The following PTPA variants were observed in gnomAD, a reference collection of about 807,000 sequenced individuals.
The protein encoded by PTPA is serine/threonine-protein phosphatase 2A activator.
PTPA carries 13 observed loss-of-function variants against 43.6 expected under a neutral mutation model. The observed-to-expected ratio is 0.30, with a 90% CI of 0.19 to 0.47. The LOEUF is 0.47. PTPA is among the 20% of genes least tolerant of loss of function. The pLI is 0.99. For synonymous variants in PTPA, 172 were observed against 158.2 expected (o/e 1.09, Z -0.66); for missense variants, 329 against 411.9 (o/e 0.80, Z 1.74).
chr9:129,138,003 C>G (rs546392946), intron 8 of PTPA: 1 of 350,338 alleles, frequency 2.9e-6, no homozygotes, highest in Non-Finnish European at 5.5e-6. Context: ...TCGGGGCGGG[C>G]GGAGGTTTGT....
rs1467626155 is a variant in PTPA, at chr9:129,129,022, A to G, written c.254A>G (p.Asp85Gly). The G allele has an allele frequency of 6.2e-7, 1 of 1,613,078 alleles. No individual in the cohort carries two copies. Among genetic ancestry groups the G allele is most frequent in the Non-Finnish European group, 8.5e-7 (1 of 1,179,996 alleles). ...CTAGTCGCTCTTCTCAACACGCTGGACAGGTGGATTGATGAGACTCCTCCA... is the reference window on the plus strand; with the variant it reads ...CTAGTCGCTCTTCTCAACACGCTGGGCAGGTGGATTGATGAGACTCCTCCA... ...EKLVALLNTL[D>G]RWIDETPPVD... Residue 85 changes from aspartate (D) to glycine (G), a missense_variant, in exon 4 of 10, where the codon GAC becomes GGC. Transcript: ENST00000393370.
At chr9:129,133,816 C>T (rs7045556) in intron 5 of PTPA, among the ~76,000 whole-genome samples, 1,625 of 152,312 alleles carry the variant, frequency 0.011, 26 homozygotes, top group African/African-American at 0.036. Flanking sequence ...TCACTGCCTT[C>T]GACATACTGG....
At chr9:129,114,312 C>T (rs973519725) in intron 1 of PTPA, among the ~76,000 whole-genome samples, 4 of 152,178 alleles carry the variant, frequency 2.6e-5, no homozygotes, top group East Asian at 1.9e-4. Context: ...CGTGAGCCAC[C>T]GCGCCCGGCG....
chr9:129,113,592 A>G (rs1588478631), intron 1 of PTPA, among the ~76,000 whole-genome samples: 1 of 151,812 alleles, frequency 6.6e-6, no homozygotes, highest in African/African-American at 2.4e-5. Flanking sequence ...CAACATGGCA[A>G]AACCCCGTCT....
intron 1 of PTPA, among the ~76,000 whole-genome samples, chr9:129,114,579 G>A (rs575679801): frequency 6.6e-6 from 1 of 152,156 alleles, no homozygotes; most frequent in African/African-American, 2.4e-5. Flanking sequence ...AATGCTGATT[G>A]CCCTTATCTT....
chr9:129,122,291 T>C (rs1219757134), intron 2 of PTPA, among the ~76,000 whole-genome samples: 1 of 152,094 alleles, frequency 6.6e-6, no homozygotes, highest in Non-Finnish European at 1.5e-5. Flanking sequence ...TTTGTAGAGA[T>C]GGGGTCTCAC....
chr9:129,141,190 C>T (rs1365450484), intron 8 of PTPA, among the ~76,000 whole-genome samples: 1 of 152,054 alleles, frequency 6.6e-6, no homozygotes, highest in African/African-American at 2.4e-5. Flanking sequence ...GTCACAGTTG[C>T]CCTTACTAGA....
At chr9:129,111,257 C>A, upstream of PTPA, 1 of 1,170,392 alleles carries the variant, frequency 8.5e-7, no homozygotes, top group Non-Finnish European at 1.1e-6. Context: ...TCGTGGCAGT[C>A]GCGGCGCCCG....
intron 3 of PTPA, among the ~76,000 whole-genome samples, chr9:129,127,377 GC>G (rs1479936702): frequency 3.9e-5 from 6 of 152,160 alleles, no homozygotes; most frequent in African/African-American, 1.4e-4. Context: ...CCTCCCAGGC[GC>G]AACTTCTCAT....
At chr9:129,126,013 C>T (rs113090114) in intron 3 of PTPA, among the ~76,000 whole-genome samples, 164 of 151,806 alleles carry the variant, frequency 1.1e-3, no homozygotes, top group African/African-American at 3.8e-3. Context: ...CTGGGCGTGG[C>T]GGCAGGCACC....
chr9:129,120,464 A>C, intron 1 of PTPA, 49 bp from the exon 2 acceptor site: 3 of 1,167,766 alleles, frequency 2.6e-6, no homozygotes, highest in Non-Finnish European at 3.7e-6. Context: ...TGTGTGTTGT[A>C]GGGGAGGATT....
intron 3 of PTPA, chr9:129,127,958 A>G: frequency 7.6e-7 from 1 of 1,322,374 alleles, no homozygotes; most frequent in Non-Finnish European, 1.0e-6. Context: ...TTATGTTTAT[A>G]TGTAGATGTG....
chr9:129,134,050 C>T (rs754778349), intron 5 of PTPA, among the ~76,000 whole-genome samples: 2 of 152,170 alleles, frequency 1.3e-5, no homozygotes, highest in African/African-American at 2.4e-5. Flanking sequence ...CTGTCTTTCT[C>T]CTTCAGAGCT....
intron 9 of PTPA, chr9:129,142,787 C>T (rs1248847258): frequency 6.5e-7 from 1 of 1,535,938 alleles, no homozygotes; most frequent in African/African-American, 1.4e-5. Flanking sequence ...CAGCTCTGTC[C>T]TGATGAGCTT....
At chr9:129,112,608 A>G (rs1848605800) in intron 1 of PTPA, among the ~76,000 whole-genome samples, 1 of 152,172 alleles carries the variant, frequency 6.6e-6, no homozygotes, top group South Asian at 2.1e-4. Context: ...AAAACCAGAC[A>G]TTTATTTTGT....
At chr9:129,142,249 TTGCATG>T in intron 8 of PTPA, 190 bp from the exon 9 acceptor site, 1 of 471,946 alleles carries the variant, frequency 2.1e-6, no homozygotes, top group South Asian at 5.0e-5. Context: ...TCTCTGGCAC[TTGCATG>T]TGCCTGTTTG....
At chr9:129,135,227 T>C (rs1417314276) in intron 6 of PTPA, among the ~76,000 whole-genome samples, 1 of 152,146 alleles carries the variant, frequency 6.6e-6, no homozygotes, top group Non-Finnish European at 1.5e-5. Flanking sequence ...ACCCCGTCTC[T>C]ACTAAAAATA....
At chr9:129,135,913 T>C (rs1367957625) in intron 6 of PTPA, among the ~76,000 whole-genome samples, 2 of 152,194 alleles carry the variant, frequency 1.3e-5, no homozygotes, top group Non-Finnish European at 2.9e-5. Flanking sequence ...TTACAAGTTG[T>C]CAGGAGTTGA....
At chr9:129,122,061 T>C (rs1339651525) in intron 2 of PTPA, among the ~76,000 whole-genome samples, 2 of 151,288 alleles carry the variant, frequency 1.3e-5, no homozygotes, top group Non-Finnish European at 2.9e-5. Flanking sequence ...CAATCAGGAG[T>C]CACTTGTTCC....
Sources: allele counts gnomAD v4.1 joint callset (sites outside exome capture counted in the v4.1 genomes callset), GRCh38; gene constraint gnomAD v4.1.1; transcripts MANE v1.5; gene names NCBI Gene and HGNC (gene_info 2026-07-23, HGNC 2026-07-21).